Variants in KLF7 observed in about 807,000 individuals in gnomAD.
KLF7 encodes the protein KLF transcription factor 7.
KLF7 carries 2 observed loss-of-function variants against 27.3 expected under a neutral mutation model. That is an observed-to-expected ratio of 0.07 (90% CI 0.03 to 0.23). The LOEUF is 0.23. Among genes scored for constraint, KLF7 ranks in the 10% least tolerant of loss-of-function variants. The probability of loss-of-function intolerance (pLI) is 1.00; values close to 1 mark genes in which losing one functional copy is unlikely to be tolerated. For synonymous variants in KLF7, 165 were observed against 162.4 expected (o/e 1.02, Z -0.12); for missense variants, 221 against 394.1 (o/e 0.56, Z 3.72).
intron 1 of KLF7, among the ~76,000 whole-genome samples, chr2:207,127,390 C>T (rs191734712): frequency 1.3e-5 from 2 of 152,224 alleles, no homozygotes; most frequent in East Asian, 1.9e-4. Flanking sequence ...TTTGTCAATT[C>T]GAAACCCCAG....
rs2076236445 is a variant in KLF7 at position 207,079,730 on chromosome 2, C to T, written c.*1483G>A. On this transcript the variant is annotated 3_prime_UTR_variant, in exon 4 of 4. Coordinates refer to ENST00000309446, the MANE Select transcript of KLF7 (RefSeq NM_003709.4). The stretch of plus-strand genomic sequence containing the variant: ...TGTTAATCCTGGGGGTTCTAGGTCA[C>T]AAGTCATGGTGGGCCTAGCCAAAAA... 1 of 144,718 alleles carries T rather than the reference C, an allele frequency of 6.9e-6. No individual in the cohort carries two copies. Among genetic ancestry groups the T allele is most frequent in the South Asian group, 2.2e-4 (1 of 4,590 alleles). 9.0% of individuals were successfully genotyped at this position (144,718 alleles called of 1,614,324 possible).
chr2:207,157,936 T>C (rs959866355), intron 1 of KLF7, among the ~76,000 whole-genome samples: 5 of 152,174 alleles, frequency 3.3e-5, no homozygotes, highest in Non-Finnish European at 7.3e-5. Context: ...AAGAAGTTGA[T>C]GAGTTAGGGG....
chr2:207,109,974 TGA>T (rs1276387631), intron 2 of KLF7: 1 of 154,806 alleles, frequency 6.5e-6, no homozygotes, highest in Admixed American at 6.5e-5. Context: ...TTCACATGTA[TGA>T]GAGGAATAAA....
At position 207,119,459 on chromosome 2, in the gene KLF7, G is replaced by GTT. The variant is rs11438737; in HGVS notation, c.733+4313_733+4314dup. Among the ~76,000 whole-genome samples, 251 of 149,890 alleles carry GTT rather than the reference G, an allele frequency of 1.7e-3. 2 individuals are homozygous for GTT. Among genetic ancestry groups the GTT allele is most frequent in the Middle Eastern group, 3.4e-3 (1 of 292 alleles). On this transcript the variant is annotated intron_variant, in intron 2 of 3. Transcript: ENST00000309446. Reference sequence around the variant, plus strand: ...TTGATTTTTGCTGAGAATGAGCATAGTTTTTTTTTTAATATTGGAAGTGAA... The same window carrying GTT: ...TTGATTTTTGCTGAGAATGAGCATAGTTTTTTTTTTTTAATATTGGAAGTGAA...
intron 1 of KLF7, among the ~76,000 whole-genome samples, chr2:207,130,182 A>G (rs1051312988): frequency 3.7e-4 from 57 of 152,130 alleles, no homozygotes; most frequent in Non-Finnish European, 1.3e-4. Context: ...TCCCATGCCC[A>G]TATGCTCGAA....
chr2:207,145,474 C>T (rs1008838987), intron 1 of KLF7, among the ~76,000 whole-genome samples: 1 of 152,088 alleles, frequency 6.6e-6, no homozygotes, highest in Admixed American at 6.5e-5. Flanking sequence ...GTTATCAAAC[C>T]CAAAAAGAGA....
upstream of KLF7, among the ~76,000 whole-genome samples, chr2:207,168,835 T>G (rs150598417): frequency 6.6e-6 from 1 of 152,328 alleles, no homozygotes; most frequent in East Asian, 1.9e-4. Context: ...AGATTCACAT[T>G]GCAAAACACA....
At chr2:207,167,164 G>A (rs2106165906), upstream of KLF7, 2 of 1,432,388 alleles carry the variant, frequency 1.4e-6, no homozygotes, top group Non-Finnish European at 9.2e-7. Flanking sequence ...CGAGGTGTCT[G>A]CAGAGCTTCG....
chr2:207,108,312 G>A (rs576298432), intron 2 of KLF7, among the ~76,000 whole-genome samples: 2 of 152,298 alleles, frequency 1.3e-5, no homozygotes, highest in East Asian at 3.9e-4. Context: ...CAAGGAAAAG[G>A]CTATTATCAA....
Position 207,165,408 on chromosome 2 carries a change from G to A in KLF7, c.102+59C>T, listed in dbSNP as rs144828019. 4,769 of 1,611,484 alleles carry A rather than the reference G, an allele frequency of 3.0e-3. 13 individuals are homozygous for A. The highest frequency in any genetic ancestry group is 3.5e-3 in the Non-Finnish European group (4,154 of 1,178,750). ...ATTTCAACCCAGAGCCCACACCAACGCAGCCCCTGCGTCTCCGCCGCCACC... is the reference window on the plus strand; with the variant it reads ...ATTTCAACCCAGAGCCCACACCAACACAGCCCCTGCGTCTCCGCCGCCACC... On this transcript the variant is annotated intron_variant, in intron 1 of 3. Transcript: ENST00000309446.
chr2:207,166,289 T>TGGCACGCTGCGGATC (rs1398294570), upstream of KLF7: 2 of 573,010 alleles, frequency 3.5e-6, no homozygotes, highest in East Asian at 1.5e-4. Flanking sequence ...GGGCGCGGAT[T>TGGCACGCTGCGGATC]GGCACGCTGC....
intron 1 of KLF7, among the ~76,000 whole-genome samples, chr2:207,138,905 T>G (rs1247950115): frequency 2.0e-5 from 3 of 152,218 alleles, no homozygotes; most frequent in Non-Finnish European, 4.4e-5. Flanking sequence ...GCCACGAAAT[T>G]TGGTCATTTA....
chr2:207,167,767 AT>A (rs2106166893), upstream of KLF7, among the ~76,000 whole-genome samples: 1 of 152,354 alleles, frequency 6.6e-6, no homozygotes, highest in African/African-American at 2.4e-5. Flanking sequence ...CAGAACTTGT[AT>A]CTACCCATCT....
chr2:207,123,625 A>G (rs764336402), intron 2 of KLF7, 149 bp downstream of exon 2: 11 of 800,070 alleles, frequency 1.4e-5, no homozygotes, highest in Non-Finnish European at 2.2e-5. Flanking sequence ...CAAGTGAGTC[A>G]TTCTTTGTCC....
chr2:207,168,169 A>C (rs1463484950), upstream of KLF7, among the ~76,000 whole-genome samples: 1 of 152,160 alleles, frequency 6.6e-6, no homozygotes, highest in Non-Finnish European at 1.5e-5. Flanking sequence ...GTGAGGCAAG[A>C]CCAACCATAT....
intron 2 of KLF7, among the ~76,000 whole-genome samples, chr2:207,118,868 T>C (rs777849620): frequency 2.6e-5 from 4 of 152,260 alleles, no homozygotes; most frequent in Non-Finnish European, 5.9e-5. Flanking sequence ...GTTTGCCTTT[T>C]GAATGCTACA....
chr2:207,160,113 C>G (rs1443918476), intron 1 of KLF7, among the ~76,000 whole-genome samples: 2 of 152,164 alleles, frequency 1.3e-5, no homozygotes, highest in African/African-American at 2.4e-5. Flanking sequence ...TTACATGTAA[C>G]ATGAATAATT....
At position 207,081,230 on chromosome 2, in the gene KLF7, T is replaced by G. The variant is rs1259658080; in HGVS notation, c.892A>C (p.Met298Leu). The part of the protein sequence containing the change: ...FSRSDHLALH[M>L]KRHI ...TCGGTTTTTTAGATATGTCTCTTCA[T>G]GTGGAGGGCAAGATGGTCAGACCTG... The change falls in exon 4 of 4, where the codon ATG (methionine) becomes CTG (leucine). Residue 298 changes from methionine (M) to leucine (L), a missense_variant. By Grantham distance (15) the Met-to-Leu change is conservative. This residue lies in a region of KLF7 where 30 missense variants were observed against 115.4 expected (regional missense o/e 0.26). Transcript: ENST00000309446. 1.9e-6 allele frequency: 3 copies of G among 1,614,022 alleles called. No individual in the cohort carries two copies. Among genetic ancestry groups the G allele is most frequent in the East Asian group, 4.5e-5 (2 of 44,886 alleles).
chr2:207,126,556 A>G (rs912083553), intron 1 of KLF7, among the ~76,000 whole-genome samples: 1 of 152,238 alleles, frequency 6.6e-6, no homozygotes, highest in Non-Finnish European at 1.5e-5. Context: ...CTTTGCCCAA[A>G]GAGCAGTACC....
Sources: allele counts gnomAD v4.1 joint callset (sites outside exome capture counted in the v4.1 genomes callset), GRCh38; gene constraint gnomAD v4.1.1; regional missense constraint gnomAD v4.1.1; transcripts MANE v1.5; gene names NCBI Gene and HGNC (gene_info 2026-07-23, HGNC 2026-07-21).